The following TRIM9 variants were observed in gnomAD, a reference collection of about 807,000 sequenced individuals.
The protein encoded by TRIM9 is tripartite motif containing 9, also known as E3 ubiquitin-protein ligase TRIM9.
In TRIM9, 26 loss-of-function variants were observed where a neutral mutation model predicts 78.3. The observed-to-expected ratio is 0.33, with a 90% CI of 0.24 to 0.46. TRIM9 has a LOEUF of 0.46. TRIM9 is among the 20% of genes least tolerant of loss of function. The pLI, the probability that TRIM9 is intolerant of heterozygous loss-of-function variation, is 1.00. For synonymous variants in TRIM9, 398 were observed against 416.5 expected (o/e 0.96, Z 0.54); for missense variants, 787 against 1,036.4 (o/e 0.76, Z 3.30).
chr14:51,084,264 C>T (rs1030046131), intron 1 of TRIM9, among the ~76,000 whole-genome samples: 7 of 152,064 alleles, frequency 4.6e-5, no homozygotes, highest in African/African-American at 1.4e-4. Flanking sequence ...CATTGTTTAT[C>T]GAGCTTGGTG....
chr14:50,983,074 T>A (rs568988334), intron 9 of TRIM9, 109 bp from the exon 10 acceptor site: 2 of 1,066,878 alleles, frequency 1.9e-6, no homozygotes, highest in African/African-American at 3.1e-5. Flanking sequence ...AAGGACTCAA[T>A]TTAAAATGCC....
intron 1 of TRIM9, among the ~76,000 whole-genome samples, chr14:51,029,679 A>G (rs978947417): frequency 6.6e-6 from 1 of 152,194 alleles, no homozygotes; most frequent in Non-Finnish European, 1.5e-5. Context: ...ATTGTAATAC[A>G]TTGGTCATTT....
chr14:50,981,620 T>C (rs899260083), intron 11 of TRIM9, among the ~76,000 whole-genome samples, 180 bp downstream of exon 11: 2 of 152,198 alleles, frequency 1.3e-5, no homozygotes, highest in African/African-American at 4.8e-5. Flanking sequence ...TCTATCATTA[T>C]ATAGAAAGTA....
intron 1 of TRIM9, among the ~76,000 whole-genome samples, chr14:51,063,765 A>T (rs116416325): frequency 6.6e-6 from 1 of 152,146 alleles, no homozygotes; most frequent in African/African-American, 2.4e-5. Flanking sequence ...AACGGAAAAG[A>T]AAGACATTTT....
At chr14:50,991,796 A>G (rs2053547068) in intron 7 of TRIM9, among the ~76,000 whole-genome samples, 1 of 152,218 alleles carries the variant, frequency 6.6e-6, no homozygotes, top group African/African-American at 2.4e-5. Flanking sequence ...TTTAGAGATG[A>G]GAAAACTGAA....
intron 1 of TRIM9, among the ~76,000 whole-genome samples, chr14:51,075,886 A>G (rs2062734579): frequency 6.6e-6 from 1 of 152,224 alleles, no homozygotes; most frequent in Admixed American, 6.5e-5. Context: ...CTTGCCAGAG[A>G]ACATACAACC....
intron 4 of TRIM9, among the ~76,000 whole-genome samples, chr14:51,009,852 G>GT (rs1160633024): frequency 2.0e-5 from 3 of 152,162 alleles, no homozygotes; most frequent in African/African-American, 7.2e-5. Flanking sequence ...TGGGATCAAA[G>GT]CTTAAGTAAA....
intron 12 of TRIM9, among the ~76,000 whole-genome samples, chr14:50,977,657 A>G (rs1266847501): frequency 6.6e-6 from 1 of 152,186 alleles, no homozygotes; most frequent in African/African-American, 2.4e-5. Context: ...GTTTTCAGAT[A>G]GAGGAGCCTA....
At chr14:51,092,210 T>C (rs1468534044) in intron 1 of TRIM9, among the ~76,000 whole-genome samples, 1 of 152,198 alleles carries the variant, frequency 6.6e-6, no homozygotes, top group Non-Finnish European at 1.5e-5. Context: ...TTTTCAAAAA[T>C]TTAAATTCGA....
intron 1 of TRIM9, among the ~76,000 whole-genome samples, chr14:51,054,297 T>TTTTTTGTTGTTG (rs2060704789): frequency 1.3e-5 from 2 of 151,110 alleles, no homozygotes; most frequent in African/African-American, 2.4e-5. Flanking sequence ...TTTATACTCA[T>TTTTTTGTTGTTG]TTGTTGTTGT....
At chr14:51,039,114 A>G (rs2059389972) in intron 1 of TRIM9, among the ~76,000 whole-genome samples, 1 of 152,238 alleles carries the variant, frequency 6.6e-6, no homozygotes, top group Middle Eastern at 3.2e-3. Flanking sequence ...AAAGATTGGC[A>G]CAGCTTCTTT....
At chr14:51,066,337 C>T (rs74054031) in intron 1 of TRIM9, among the ~76,000 whole-genome samples, 3,815 of 152,230 alleles carry the variant, frequency 0.025, 165 homozygotes, top group African/African-American at 0.088. Context: ...TCATCTCCAT[C>T]TTTGCAAACC....
chr14:51,075,598 C>T (rs2062701035), intron 1 of TRIM9, among the ~76,000 whole-genome samples: 1 of 152,164 alleles, frequency 6.6e-6, no homozygotes, highest in South Asian at 2.1e-4. Context: ...GCTTGTCCAC[C>T]ATTTTTTCCT....
chr14:50,979,268 A>C (rs2051492376), intron 12 of TRIM9, 119 bp downstream of exon 12: 2 of 1,564,186 alleles, frequency 1.3e-6, no homozygotes, highest in East Asian at 4.6e-5. Context: ...TCTCCTTCAT[A>C]TCTTGGTCTG....
chr14:51,089,639 A>AACAG (rs2064123043), intron 1 of TRIM9, among the ~76,000 whole-genome samples: 1 of 152,368 alleles, frequency 6.6e-6, no homozygotes, highest in African/African-American at 2.4e-5. Flanking sequence ...CTTAGAGAAA[A>AACAG]ACAGAATACT....
chr14:50,983,287 T>C (rs2052226168), intron 9 of TRIM9, 93 bp downstream of exon 9: 1 of 1,066,204 alleles, frequency 9.4e-7, no homozygotes. Context: ...GACAATTTTA[T>C]TGACATAAGA....
intron 1 of TRIM9, among the ~76,000 whole-genome samples, chr14:51,074,945 T>C (rs1381431291): frequency 6.6e-6 from 1 of 152,192 alleles, no homozygotes; most frequent in Non-Finnish European, 1.5e-5. Context: ...ATTGAGAAGC[T>C]TGAAAGAGGA....
At position 51,040,158 on chromosome 14, in the gene TRIM9, A is replaced by T. The variant is rs567176908; in HGVS notation, c.823-14798T>A. Among the ~76,000 whole-genome samples the T allele has an allele frequency of 1.8e-4, 28 of 152,342 alleles. No homozygotes were observed. In the East Asian group the frequency reaches 3.1e-3, roughly 17 times the overall value. Reference sequence around the variant, plus strand: ...ATTAAGACCTTAACTGTGCAAGAAAAAGTAAATATTTCCTCGGATGGTCTT... The same window carrying T: ...ATTAAGACCTTAACTGTGCAAGAAATAGTAAATATTTCCTCGGATGGTCTT... On this transcript the variant is annotated intron_variant, in intron 1 of 12. Transcript: ENST00000684578.
intron 1 of TRIM9, among the ~76,000 whole-genome samples, chr14:51,031,147 C>CAAAAAAAAAAA (rs1210514761): frequency 3.0e-5 from 3 of 100,642 alleles, no homozygotes; most frequent in Admixed American, 1.1e-4. Flanking sequence ...AAACTCTTTC[C>CAAAAAAAAAAA]AAAAAAAAAA....
Sources: allele counts gnomAD v4.1 joint callset (sites outside exome capture counted in the v4.1 genomes callset), GRCh38; gene constraint gnomAD v4.1.1; transcripts MANE v1.5; gene names NCBI Gene and HGNC (gene_info 2026-07-23, HGNC 2026-07-21).